COQ8A: variants seen among roughly 807,000 people sequenced by gnomAD.
COQ8A encodes the protein coenzyme Q8A.
In COQ8A, 51 loss-of-function variants were observed where a neutral mutation model predicts 65.0. The ratio of observed to expected loss-of-function variants is 0.78; its 90% CI spans 0.63 to 0.99. The LOEUF is 0.99. COQ8A is among the 50% of genes least tolerant of loss of function. The probability of loss-of-function intolerance (pLI) is 0.00; values close to 1 mark genes in which losing one functional copy is unlikely to be tolerated. For synonymous variants in COQ8A, 371 were observed against 353.2 expected (o/e 1.05, Z -0.57); for missense variants, 940 against 875.0 (o/e 1.07, Z -0.94).
At chr1:226,945,404 A>C (rs770416112) in intron 1 of COQ8A, among the ~76,000 whole-genome samples, 2 of 152,142 alleles carry the variant, frequency 1.3e-5, no homozygotes, top group African/African-American at 2.4e-5. Flanking sequence ...AGAAATGTTA[A>C]AGTTCAAGCT....
intron 13 of COQ8A, 63 bp from the exon 14 acceptor site, chr1:226,985,191 C>T (rs928165923): frequency 6.4e-7 from 1 of 1,570,170 alleles, no homozygotes; most frequent in Admixed American, 1.7e-5. Flanking sequence ...CACTTGGCTC[C>T]CTGGGATGTC....
At position 226,965,750 on chromosome 1, in the gene COQ8A, T is replaced by G; in HGVS notation, c.655+13T>G. The G allele has an allele frequency of 6.2e-7, 1 of 1,613,114 alleles. No individual in the cohort carries two copies. Among genetic ancestry groups the G allele is most frequent in the South Asian group, 1.1e-5 (1 of 91,052 alleles). ...GCCAACTTCGGAGGTAAGGTGGCTG[T>G]GTGCCCCTGGACTGCCTCACCTGCC... On this transcript the variant is annotated intron_variant, in intron 4 of 14. Coordinates refer to ENST00000366777, the MANE Select transcript of COQ8A (RefSeq NM_020247.5).
Position 226,985,292 on chromosome 1 carries a change from G to T in COQ8A, c.1611G>T (p.Val537=). ...RAAADRDRET[V]RAKSIEMKFL... ...CTGCCGACAGGGACAGGGAGACTGT[G>T]CGGGCGAAATCCATAGAGATGAAGT... The change falls in exon 14 of 15, where the codon GTG becomes GTT. Residue 537 remains valine (V), a synonymous_variant. Transcript: ENST00000366777. The T allele has an allele frequency of 6.2e-7, 1 of 1,613,868 alleles. No individual in the cohort carries two copies. Among genetic ancestry groups the T allele is most frequent in the Non-Finnish European group, 8.5e-7 (1 of 1,180,038 alleles).
At chr1:226,960,718 G>A (rs971064606) in intron 1 of COQ8A, among the ~76,000 whole-genome samples, 3 of 152,062 alleles carry the variant, frequency 2.0e-5, no homozygotes, top group African/African-American at 4.8e-5. Context: ...TTGCACTGTG[G>A]GTCTGGACTG....
At chr1:226,967,191 A>C (rs1658620912) in intron 4 of COQ8A, among the ~76,000 whole-genome samples, 1 of 152,146 alleles carries the variant, frequency 6.6e-6, no homozygotes, top group South Asian at 2.1e-4. Flanking sequence ...CCCCTGGAAG[A>C]CTTGGCATGT....
chr1:226,959,491 G>A (rs1274456857), intron 1 of COQ8A, among the ~76,000 whole-genome samples: 1 of 152,200 alleles, frequency 6.6e-6, no homozygotes, highest in Non-Finnish European at 1.5e-5. Context: ...GGAGGTGTGG[G>A]TGTGGCCCCT....
At chr1:226,950,821 TTA>T (rs1657329547) in intron 1 of COQ8A, among the ~76,000 whole-genome samples, 2 of 152,186 alleles carry the variant, frequency 1.3e-5, no homozygotes, top group Admixed American at 1.3e-4. Flanking sequence ...AAGCTCTTGT[TTA>T]TGTTATTAGC....
Position 226,965,149 on chromosome 1 carries a change from T to G in COQ8A, c.327T>G (p.His109Gln). ...PDQSAPPSLG[H>Q]AHSEGPAPAY... Reference sequence around the variant, plus strand: ...AGTCAGCGCCCCCATCCCTGGGTCATGCCCACAGCGAGGGCCCAGCTCCTG... The same window carrying G: ...AGTCAGCGCCCCCATCCCTGGGTCAGGCCCACAGCGAGGGCCCAGCTCCTG... Residue 109 changes from histidine to glutamine, a missense_variant, in exon 3 of 15, where the codon CAT becomes CAG. Transcript: ENST00000366777. 1 of 1,613,900 alleles carries G rather than the reference T, an allele frequency of 6.2e-7. No individual in the cohort carries two copies. The highest frequency in any genetic ancestry group is 1.1e-5 in the South Asian group (1 of 91,090).
intron 4 of COQ8A, among the ~76,000 whole-genome samples, chr1:226,968,840 T>C (rs1658715051): frequency 6.6e-6 from 1 of 152,176 alleles, no homozygotes; most frequent in Non-Finnish European, 1.5e-5. Flanking sequence ...ACATTATGAC[T>C]GTGATGCTAT....
Position 226,985,256 on chromosome 1 carries a change from C to A in COQ8A, c.1575C>A (p.Ile525=). 6.2e-7 allele frequency: 1 copy of A among 1,613,486 alleles called. No homozygotes were observed. Among genetic ancestry groups the A allele is most frequent in the East Asian group, 2.2e-5 (1 of 44,880 alleles). Residue 525 remains isoleucine, a splice_region_variant and synonymous_variant, in exon 14 of 15, where the codon ATC becomes ATA. Transcript: ENST00000366777. ...TCCCCTCCTGTGCCTCTCCCCAGAT[C>A]ATCAGGGCTGCTGCCGACAGGGACA... ...DRSFTDLYIQ[I]IRAAADRDRE...
At chr1:226,959,796 G>A (rs926888798) in intron 1 of COQ8A, among the ~76,000 whole-genome samples, 1 of 152,230 alleles carries the variant, frequency 6.6e-6, no homozygotes, top group African/African-American at 2.4e-5. Context: ...CACCAGTTGG[G>A]AGTTCACTGG....
Position 226,965,382 on chromosome 1 carries a change from G to T in COQ8A, c.560G>T (p.Arg187Leu), listed in dbSNP as rs910884320. The T allele has an allele frequency of 1.9e-6, 3 of 1,610,862 alleles. No individual in the cohort carries two copies. Among genetic ancestry groups the T allele is most frequent in the Non-Finnish European group, 1.7e-6 (2 of 1,179,354 alleles). ...DIEKARQAKA[R>L]PENKQHKQTL... The stretch of plus-strand genomic sequence containing the variant: ...GAGAAGGCCCGGCAGGCTAAGGCTC[G>T]CCCCGAGAACAAGCAGCACAAACAG... The change falls in exon 3 of 15, where the codon CGC (arginine) becomes CTC (leucine). Residue 187 changes from arginine (R) to leucine (L), a missense_variant. By Grantham distance (102) the Arg-to-Leu change is moderately radical (BLOSUM62 -2). Transcript: ENST00000366777.
At chr1:226,940,480 G>T (rs1183988398) in intron 1 of COQ8A, 81 bp downstream of exon 1, 1 of 152,292 alleles carries the variant, frequency 6.6e-6, no homozygotes, top group Non-Finnish European at 1.5e-5. Flanking sequence ...ACCCACCTCA[G>T]CCCTTCTTGC....
chr1:226,986,610 C>A lies in COQ8A; in HGVS notation c.1817C>A (p.Thr606Asn). 2 of 1,614,028 alleles carry A rather than the reference C, an allele frequency of 1.2e-6. No homozygotes were observed. Among genetic ancestry groups the A allele is most frequent in the Non-Finnish European group, 1.7e-6 (2 of 1,180,022 alleles). ...RHRLVPPPEE[T>N]YSLHRKMGGS... is the part of the protein sequence containing the mutation. ...CGTCTCGTCCCCCCACCCGAGGAAA[C>A]CTACTCCCTGCACAGGAAGATGGGG... The change falls in exon 15 of 15, where the codon ACC becomes AAC. Residue 606 changes from threonine (T) to asparagine (N), a missense_variant. Transcript: ENST00000366777.
intron 2 of COQ8A, among the ~76,000 whole-genome samples, 165 bp from the exon 3 acceptor site, chr1:226,964,834 TC>T (rs1432515815): frequency 6.6e-6 from 1 of 152,094 alleles, no homozygotes; most frequent in African/African-American, 2.4e-5. Flanking sequence ...AGGTCCCGGC[TC>T]CCAGGCTGGG....
chr1:226,946,101 G>A lies in COQ8A; in HGVS notation c.-10+5702G>A, dbSNP rs772968624. On this transcript the variant is annotated intron_variant, in intron 1 of 14. Transcript: ENST00000366777. This position sits in a 1 kb window ranked among gnomAD's most constrained non-coding sequence, Gnocchi z 5.3. ...ACTGACTCATAATGCTAATAAACTC[G>A]TGTGTATGAGGACAGTGCCAGACCC... Among the ~76,000 whole-genome samples the A allele has an allele frequency of 2.6e-5, 4 of 152,256 alleles. No individual in the cohort carries two copies. Among genetic ancestry groups the A allele is most frequent in the South Asian group, 2.1e-4 (1 of 4,826 alleles).
intron 1 of COQ8A, among the ~76,000 whole-genome samples, chr1:226,941,409 T>C (rs1291979579): frequency 6.6e-6 from 1 of 152,166 alleles, no homozygotes; most frequent in Non-Finnish European, 1.5e-5. Flanking sequence ...TGGGAGACTC[T>C]TCTTTTGGAG....
intron 1 of COQ8A, among the ~76,000 whole-genome samples, chr1:226,954,558 G>A (rs528381479): frequency 6.6e-6 from 1 of 152,376 alleles, no homozygotes; most frequent in African/African-American, 2.4e-5. Context: ...AGGTGATTGA[G>A]ACGTTCGCAG....
rs779703398 is a variant in COQ8A, at chr1:226,965,657, T to C, written c.589-14T>C. On this transcript the variant is annotated splice_polypyrimidine_tract_variant and intron_variant, in intron 3 of 14. Transcript: ENST00000366777. ...TTGGCTGATTCCACAGGTCTCTTTC[T>C]CGTCTCCCTCCAGCTCAGCGAGCAT... 1 of 1,613,968 alleles carries C rather than the reference T, an allele frequency of 6.2e-7. No homozygotes were observed. The highest frequency in any genetic ancestry group is 8.5e-7 in the Non-Finnish European group (1 of 1,180,006).
Sources: allele counts gnomAD v4.1 joint callset (sites outside exome capture counted in the v4.1 genomes callset), GRCh38; gene constraint gnomAD v4.1.1; non-coding constraint Gnocchi (gnomAD v3.1); transcripts MANE v1.5; gene names NCBI Gene and HGNC (gene_info 2026-07-23, HGNC 2026-07-21).